KCNJ6: variants seen among roughly 807,000 people sequenced by gnomAD.
KCNJ6 encodes potassium inwardly rectifying channel subfamily J member 6, also known as G protein-activated inward rectifier potassium channel 2.
Under a neutral mutation model 34.2 loss-of-function variants are expected in KCNJ6, and 9 were observed. The ratio of observed to expected loss-of-function variants is 0.26; its 90% confidence interval spans 0.16 to 0.46. KCNJ6 has a LOEUF of 0.46. Ranked by LOEUF, KCNJ6 falls within the 20% of genes least tolerant of loss-of-function variation. KCNJ6 has a pLI of 1.00. For synonymous variants in KCNJ6, 196 were observed against 207.1 expected (o/e 0.95, Z 0.46); for missense variants, 236 against 531.3 (o/e 0.44, Z 5.46).
At chr21:37,737,310 A>G (rs535207939) in intron 2 of KCNJ6, among the ~76,000 whole-genome samples, 250 of 152,274 alleles carry the variant, frequency 1.6e-3, no homozygotes, top group African/African-American at 5.6e-3. Context: ...TTCCTACTTT[A>G]ACCTGAACTA....
intron 3 of KCNJ6, among the ~76,000 whole-genome samples, chr21:37,632,550 C>A (rs988557075): frequency 6.6e-6 from 1 of 152,030 alleles, no homozygotes; most frequent in African/African-American, 2.4e-5. Flanking sequence ...AAGTCAACCA[C>A]AGTGAGAATC....
intron 2 of KCNJ6, among the ~76,000 whole-genome samples, chr21:37,728,698 G>GTA (rs57901753): frequency 0.026 from 3,840 of 150,284 alleles, 136 homozygotes; most frequent in African/African-American, 0.083. Context: ...GTGTGTGTGT[G>GTA]TATATATATA....
intron 3 of KCNJ6, among the ~76,000 whole-genome samples, chr21:37,697,815 A>ATGG (rs1189226487): frequency 9.2e-5 from 14 of 152,234 alleles, no homozygotes; most frequent in African/African-American, 3.4e-4. Context: ...ATATTTGTTG[A>ATGG]TGGTACATTA....
intron 2 of KCNJ6, among the ~76,000 whole-genome samples, chr21:37,826,283 CA>C (rs1418054042): frequency 6.6e-6 from 1 of 152,048 alleles, no homozygotes. Context: ...GTTGTCTTTG[CA>C]ATATGGAAAC....
chr21:37,608,320 C>T lies in KCNJ6; in HGVS notation c.*16839G>A, dbSNP rs1412942530. 6.6e-6 allele frequency: 1 copy of T among 152,166 alleles called. No individual in the cohort carries two copies. Among genetic ancestry groups the T allele is most frequent in the Non-Finnish European group, 1.5e-5 (1 of 68,052 alleles). 9.4% of individuals were successfully genotyped at this position (152,166 alleles called of 1,614,324 possible). A position where few individuals can be genotyped will look rare whatever the true frequency, so the allele number is the denominator to read the frequency against. ...AACTGAAATGCCTTTGCTTTTGGAT[C>T]TCTCTCTCTCTTTTTAAAATAGAGA... On this transcript the variant is annotated 3_prime_UTR_variant, in exon 4 of 4. Transcript: ENST00000609713.
intron 2 of KCNJ6, among the ~76,000 whole-genome samples, chr21:37,791,808 A>G (rs1408574951): frequency 6.6e-6 from 1 of 152,154 alleles, no homozygotes; most frequent in Non-Finnish European, 1.5e-5. Flanking sequence ...TTGATGCATA[A>G]TAGATGTACA....
chr21:37,663,190 T>C (rs1473086411), intron 3 of KCNJ6, among the ~76,000 whole-genome samples: 3 of 152,140 alleles, frequency 2.0e-5, no homozygotes, highest in Non-Finnish European at 4.4e-5. Context: ...TGGACGATGA[T>C]GGGTATTGAA....
intron 2 of KCNJ6, among the ~76,000 whole-genome samples, chr21:37,840,098 C>T (rs1426489831): frequency 3.3e-5 from 5 of 152,208 alleles, no homozygotes; most frequent in African/African-American, 9.7e-5. Context: ...TGTGCCCAGC[C>T]CCCTTTCCTC....
Position 37,859,487 on chromosome 21 carries a change from T to TTATATA in KCNJ6, c.-27-18784_-27-18779dup, listed in dbSNP as rs55859652. On this transcript the variant is annotated intron_variant, in intron 1 of 3. Transcript: ENST00000609713. ...ATTTTAACTATGGGCTTATATTACTTTATATATATATATATATATATATAT... is the reference window on the plus strand; with the variant it reads ...ATTTTAACTATGGGCTTATATTACTTTATATATATATATATATATATATATATATAT... Among the ~76,000 whole-genome samples the TTATATA allele has an allele frequency of 5.6e-3, 472 of 84,140 alleles. 4 individuals are homozygous for TTATATA. Among genetic ancestry groups the TTATATA allele is most frequent in the Non-Finnish European group, 8.1e-3 (358 of 44,216 alleles). The allele number at this position is 84,140 out of a possible 152,430, so 55.2% of individuals were successfully genotyped here.
In KCNJ6 at chr21:37,715,054, G is replaced by C; in HGVS notation, c.103C>G (p.Gln35Glu). ...TGTCTTGGCAGGTCATCCCTGGCCT[G>C]CTTAGGCAACTTTGGCTGGTGAATG... is the stretch of plus-strand genomic sequence containing the variant. ...VAIHQPKLPK[Q>E]ARDDLPRHIS... Residue 35 changes from glutamine to glutamate, a missense_variant, in exon 3 of 4, where the codon CAG becomes GAG. Around this residue, in one of 5 missense-constraint regions of KCNJ6, gnomAD observed 64 missense variants for 68.9 expected, o/e 0.93. Coordinates refer to ENST00000609713, the MANE Select transcript of KCNJ6 (RefSeq NM_002240.5). 1 of 1,614,210 alleles carries C rather than the reference G, an allele frequency of 6.2e-7. No homozygotes were observed. The highest frequency in any genetic ancestry group is 1.3e-5 in the African/African-American group (1 of 75,068).
chr21:37,738,175 C>T (rs2054922991), intron 2 of KCNJ6, among the ~76,000 whole-genome samples: 1 of 152,168 alleles, frequency 6.6e-6, no homozygotes. Context: ...ACTATGGTTC[C>T]CCATTTGGTG....
Position 37,695,764 on chromosome 21 carries a change from T to C in KCNJ6, c.946+18447A>G, listed in dbSNP as rs2054660898. ...ATCTTCTCGGTACACCAAGTGCCTA[T>C]GTCTTGGCTTCTAAAGACCATTCCC... On this transcript the variant is annotated intron_variant, in intron 3 of 3. Coordinates refer to ENST00000609713, the MANE Select transcript of KCNJ6 (RefSeq NM_002240.5). The surrounding 1 kb of genome is among the most constrained non-coding windows in gnomAD (Gnocchi z 4.2). Among the ~76,000 whole-genome samples the C allele has an allele frequency of 6.6e-6, 1 of 152,220 alleles. No homozygotes were observed. The highest frequency in any genetic ancestry group is 2.1e-4 in the South Asian group (1 of 4,826).
chr21:37,680,438 A>G (rs1310535886), intron 3 of KCNJ6, among the ~76,000 whole-genome samples: 1 of 152,180 alleles, frequency 6.6e-6, no homozygotes, highest in African/African-American at 2.4e-5. Flanking sequence ...TATCCAGACT[A>G]TGACGGTTAA....
intron 3 of KCNJ6, among the ~76,000 whole-genome samples, chr21:37,709,518 A>AATAG (rs1556022465): frequency 6.9e-6 from 1 of 145,680 alleles, no homozygotes; most frequent in East Asian, 2.3e-4. Context: ...CTGTCTCAAA[A>AATAG]AAAAGAAAAG....
intron 3 of KCNJ6, among the ~76,000 whole-genome samples, chr21:37,683,953 G>A (rs952497029): frequency 2.0e-5 from 3 of 152,342 alleles, no homozygotes; most frequent in East Asian, 3.9e-4. Context: ...CAGTGACCAC[G>A]TTTGGTGAGC....
chr21:37,801,334 C>T (rs987375698), intron 2 of KCNJ6, among the ~76,000 whole-genome samples: 4 of 152,294 alleles, frequency 2.6e-5, no homozygotes, highest in Non-Finnish European at 1.5e-5. Context: ...GAGCCCCTGC[C>T]GCATGCTTTT....
intron 1 of KCNJ6, among the ~76,000 whole-genome samples, chr21:37,885,453 T>C (rs2055730663): frequency 6.6e-6 from 1 of 152,166 alleles, no homozygotes; most frequent in Admixed American, 6.5e-5. Context: ...AGAGATACAA[T>C]TAAGATTCCC....
intron 1 of KCNJ6, among the ~76,000 whole-genome samples, chr21:37,863,712 G>T (rs943147978): frequency 6.6e-6 from 1 of 151,952 alleles, no homozygotes; most frequent in Non-Finnish European, 1.5e-5. Context: ...TAACATCAAC[G>T]CCCCACTTCT....
At position 37,714,164 on chromosome 21, in the gene KCNJ6, A is replaced by G. The variant is rs773704117; in HGVS notation, c.946+47T>C. 4.4e-6 allele frequency: 6 copies of G among 1,351,846 alleles called. No homozygotes were observed. Among genetic ancestry groups the G allele is most frequent in the Non-Finnish European group, 6.2e-6 (6 of 961,296 alleles). The allele number at this position is 1,351,846 out of a possible 1,614,324, so 83.7% of individuals were successfully genotyped here. ...AGATAAGAACATCAGGTCCAGTTTA[A>G]AATGAGCATCTATCCCACAGCCATC... On this transcript the variant is annotated intron_variant, in intron 3 of 3. Coordinates refer to ENST00000609713, the MANE Select transcript of KCNJ6 (RefSeq NM_002240.5). The surrounding 1 kb of genome is among the most constrained non-coding windows in gnomAD (Gnocchi z 5.9).
Sources: allele counts gnomAD v4.1 joint callset (sites outside exome capture counted in the v4.1 genomes callset), GRCh38; gene constraint gnomAD v4.1.1; regional missense constraint gnomAD v4.1.1; non-coding constraint Gnocchi (gnomAD v3.1); transcripts MANE v1.5; gene names NCBI Gene and HGNC (gene_info 2026-07-23, HGNC 2026-07-21).